The following PDE8B variants were observed in gnomAD, a reference collection of about 807,000 sequenced individuals.
The protein encoded by PDE8B is high affinity cAMP-specific and IBMX-insensitive 3',5'-cyclic phosphodiesterase 8B.
In PDE8B, 26 loss-of-function variants were observed where a neutral mutation model predicts 101.3. That is an observed-to-expected ratio of 0.26 (90% CI 0.19 to 0.36). The LOEUF (loss-of-function observed/expected upper bound fraction) is 0.36. Ranked by LOEUF, PDE8B falls within the 10% of genes least tolerant of loss-of-function variation. The pLI is 1.00. For missense variants in PDE8B, 810 were observed against 1,163.1 expected (o/e 0.70, Z 4.42); for synonymous variants, 424 against 429.3 (o/e 0.99, Z 0.15).
chr5:77,281,159 C>T (rs1192734345), intron 1 of PDE8B, among the ~76,000 whole-genome samples: 1 of 152,180 alleles, frequency 6.6e-6, no homozygotes, highest in African/African-American at 2.4e-5. Flanking sequence ...TTGGCCTCTA[C>T]CTCAGCTCCA....
chr5:77,325,417 C>T, intron 2 of PDE8B, 122 bp from the exon 3 acceptor site: 1 of 884,690 alleles, frequency 1.1e-6, no homozygotes, highest in Non-Finnish European at 1.9e-6. Context: ...TAGTCCACTG[C>T]CTCAGCCTCC....
chr5:77,224,374 T>A (rs1296503861), intron 1 of PDE8B, among the ~76,000 whole-genome samples: 1 of 152,252 alleles, frequency 6.6e-6, no homozygotes, highest in Non-Finnish European at 1.5e-5. Context: ...TTCAAATGTA[T>A]ACAAATGTAG....
At chr5:77,216,069 C>T (rs1749629639) in intron 1 of PDE8B, among the ~76,000 whole-genome samples, 1 of 152,132 alleles carries the variant, frequency 6.6e-6, no homozygotes, top group Admixed American at 6.5e-5. Context: ...CTTCCTTGCA[C>T]CCTGATCAGA....
intron 10 of PDE8B, among the ~76,000 whole-genome samples, chr5:77,388,596 G>A (rs1379077507): frequency 1.3e-5 from 2 of 152,178 alleles, no homozygotes; most frequent in African/African-American, 4.8e-5. Context: ...GAGCTTGCAC[G>A]CTGTGCTGGG....
chr5:77,236,524 A>G (rs1754728690), intron 1 of PDE8B, among the ~76,000 whole-genome samples: 1 of 152,198 alleles, frequency 6.6e-6, no homozygotes, highest in Non-Finnish European at 1.5e-5. Flanking sequence ...AGTGTTTTGA[A>G]GAGGAGGAAG....
At chr5:77,215,598 C>A (rs753216178) in intron 1 of PDE8B, among the ~76,000 whole-genome samples, 1 of 152,204 alleles carries the variant, frequency 6.6e-6, no homozygotes, top group Admixed American at 6.5e-5. Context: ...AAGCTGCCAG[C>A]TGTTCAGAGA....
rs749369625 is a variant in PDE8B, at chr5:77,353,445, G to A, written c.1167+39G>A. 5.2e-6 allele frequency: 6 copies of A among 1,160,288 alleles called. No individual in the cohort carries two copies. In the South Asian group the frequency reaches 7.3e-5, roughly 14 times the overall value. The allele number at this position is 1,160,288 out of a possible 1,614,324, so 71.9% of individuals were successfully genotyped here. A position where few individuals can be genotyped will look rare whatever the true frequency, so the allele number is the denominator to read the frequency against. ...TCACTTCGTTTGCTCTGTCTGTTTGGCCATGCGTCACCTCTGTTCTCTGCT... is the reference window on the plus strand; with the variant it reads ...TCACTTCGTTTGCTCTGTCTGTTTGACCATGCGTCACCTCTGTTCTCTGCT... On this transcript the variant is annotated intron_variant, in intron 10 of 21. Transcript: ENST00000264917.
chr5:77,165,373 A>G, the PDE8B span: 1 of 152,214 alleles, frequency 6.6e-6, no homozygotes, highest in Non-Finnish European at 1.5e-5. Context: ...CTCATGAACC[A>G]GTACAGGCCT....
intron 1 of PDE8B, among the ~76,000 whole-genome samples, chr5:77,268,068 A>G (rs1246051194): frequency 1.3e-5 from 2 of 152,050 alleles, no homozygotes; most frequent in Non-Finnish European, 2.9e-5. Flanking sequence ...AACCTGATGA[A>G]AGGGTGACTT....
chr5:77,396,241 C>T (rs1403975885), intron 10 of PDE8B, among the ~76,000 whole-genome samples: 2 of 152,248 alleles, frequency 1.3e-5, no homozygotes, highest in Non-Finnish European at 1.5e-5. Flanking sequence ...ACATTGACTA[C>T]CTTCTTGGCA....
chr5:77,190,286 A>G, the PDE8B span, among the ~76,000 whole-genome samples: 1 of 152,228 alleles, frequency 6.6e-6, no homozygotes, highest in Non-Finnish European at 1.5e-5. Flanking sequence ...TTAACATGCC[A>G]TGGTCAAAAT....
At chr5:77,189,897 C>T in the PDE8B span, among the ~76,000 whole-genome samples, 1 of 152,142 alleles carries the variant, frequency 6.6e-6, no homozygotes, top group African/African-American at 2.4e-5. Context: ...GCAGCTTAGA[C>T]CAGAATGGTA....
chr5:77,409,173 T>C, intron 14 of PDE8B, 116 bp downstream of exon 14: 2 of 825,186 alleles, frequency 2.4e-6, no homozygotes, highest in Non-Finnish European at 4.1e-6. Context: ...AGACTAACGT[T>C]AGCATAACCA....
the PDE8B span, among the ~76,000 whole-genome samples, chr5:77,128,683 G>A: frequency 6.6e-6 from 1 of 152,214 alleles, no homozygotes; most frequent in Non-Finnish European, 1.5e-5. Flanking sequence ...TCCCCTGGAG[G>A]CCCTGACTGG....
chr5:77,380,768 T>A (rs1244790827), intron 10 of PDE8B, among the ~76,000 whole-genome samples: 1 of 152,212 alleles, frequency 6.6e-6, no homozygotes, highest in Non-Finnish European at 1.5e-5. Context: ...AAGTACTGAT[T>A]TATGAACTGT....
Position 77,211,097 on chromosome 5 carries a change from G to A in PDE8B, c.172G>A (p.Ala58Thr). ...CGCCGACGCCATCCCCCCGAGCCGC[G>A]CGTCGGGACCCCCCAGCGTAGCCCG... ...DAADAIPPSR[A>T]SGPPSVARVR... Residue 58 changes from alanine to threonine, a missense_variant, in exon 1 of 22, where the codon GCG (alanine) becomes ACG (threonine). Coordinates refer to ENST00000264917, the MANE Select transcript of PDE8B (RefSeq NM_003719.5). This position sits in a 1 kb window ranked among gnomAD's most constrained non-coding sequence, Gnocchi z 4.1. 6.7e-7 allele frequency: 1 copy of A among 1,491,438 alleles called. No homozygotes were observed. Among genetic ancestry groups the A allele is most frequent in the Non-Finnish European group, 8.9e-7 (1 of 1,127,278 alleles). The allele number at this position is 1,491,438 out of a possible 1,614,324, so 92.4% of individuals were successfully genotyped here.
intron 10 of PDE8B, among the ~76,000 whole-genome samples, chr5:77,389,161 C>T (rs922874666): frequency 4.6e-5 from 7 of 152,088 alleles, no homozygotes; most frequent in African/African-American, 1.4e-4. Flanking sequence ...TCCAAACGGC[C>T]GCCCAGTTTT....
chr5:77,288,905 C>A (rs1342082485), intron 1 of PDE8B, among the ~76,000 whole-genome samples: 1 of 146,550 alleles, frequency 6.8e-6, no homozygotes, highest in East Asian at 2.1e-4. Flanking sequence ...TTTAGTAAGA[C>A]ATCTCAGTGC....
chr5:77,382,151 A>G (rs1045661434), intron 10 of PDE8B, among the ~76,000 whole-genome samples: 1 of 152,242 alleles, frequency 6.6e-6, no homozygotes, highest in Non-Finnish European at 1.5e-5. Flanking sequence ...GAAGGACTGT[A>G]AGTGAATACA....
Sources: allele counts gnomAD v4.1 joint callset (sites outside exome capture counted in the v4.1 genomes callset), GRCh38; gene constraint gnomAD v4.1.1; non-coding constraint Gnocchi (gnomAD v3.1); transcripts MANE v1.5; gene names NCBI Gene and HGNC (gene_info 2026-07-23, HGNC 2026-07-21).